Variants in ELOA observed in about 807,000 individuals in gnomAD.
ELOA encodes the protein elongin-A.
ELOA carries 15 observed loss-of-function variants against 85.2 expected under a neutral mutation model. That is an observed-to-expected ratio of 0.18 (90% CI 0.12 to 0.27). The LOEUF is 0.27. Among genes scored for constraint, ELOA ranks in the 10% least tolerant of loss-of-function variants. The pLI, the probability that ELOA is intolerant of heterozygous loss-of-function variation, is 1.00. For missense variants in ELOA, 769 were observed against 952.7 expected, an observed-to-expected ratio of 0.81 and a Z score of 2.54; for synonymous variants, 348 against 357.2, an observed-to-expected ratio of 0.97 and a Z score of 0.29.
intron 5 of ELOA, among the ~76,000 whole-genome samples, chr1:23,753,736 T>G (rs1267961824): frequency 1.3e-5 from 2 of 152,214 alleles, no homozygotes; most frequent in East Asian, 1.9e-4. Context: ...TTTGCTTTTT[T>G]TTGTTGTTGC....
rs1638305971 is a variant in ELOA at position 23,761,920 on chromosome 1, C to T, written c.*2347C>T. ...GGGAAAGGAGCAAGGTGTCATCCTG[C>T]TCTTCATTTGTATTTTGGTCCCAAA... On this transcript the variant is annotated 3_prime_UTR_variant, in exon 11 of 11. Coordinates refer to ENST00000613537, the MANE Select transcript of ELOA (RefSeq NM_003198.3). 1.3e-5 allele frequency: 2 copies of T among 152,120 alleles called. No individual in the cohort carries two copies. The highest frequency in any genetic ancestry group is 2.9e-5 in the Non-Finnish European group (2 of 68,036). 9.4% of individuals were successfully genotyped at this position (152,120 alleles called of 1,614,324 possible).
chr1:23,758,650 C>T (rs1638249070), intron 10 of ELOA, among the ~76,000 whole-genome samples: 1 of 149,850 alleles, frequency 6.7e-6, no homozygotes, highest in Non-Finnish European at 1.5e-5. Flanking sequence ...ATAGACTATC[C>T]CCAGTATCCT....
rs765576581 is a variant in ELOA at position 23,755,956 on chromosome 1, C to T, written c.1905C>T (p.Asp635=). The T allele has an allele frequency of 2.8e-5, 45 of 1,613,496 alleles. No homozygotes were observed. Among genetic ancestry groups the T allele is most frequent in the East Asian group, 1.3e-4 (6 of 44,852 alleles). The change falls in exon 8 of 11, where the codon GAC becomes GAT. Residue 635 remains aspartate, a synonymous_variant. Coordinates refer to ENST00000613537, the MANE Select transcript of ELOA (RefSeq NM_003198.3). ...SWREMYLRLQ[D]AREQRLRVLT... ...GAGAGATGTACCTGCGGCTTCAGGA[C>T]GCCCGAGAGCAGCGGCTACGAGTAC...
At chr1:23,753,777 G>C (rs1052472854) in intron 5 of ELOA, among the ~76,000 whole-genome samples, 3 of 152,134 alleles carry the variant, frequency 2.0e-5, no homozygotes, top group Non-Finnish European at 4.4e-5. Flanking sequence ...TACTCAGGCT[G>C]GAGTGCAGTA....
intron 1 of ELOA, among the ~76,000 whole-genome samples, chr1:23,743,786 C>T (rs1049344999): frequency 3.9e-5 from 6 of 152,106 alleles, no homozygotes; most frequent in African/African-American, 1.4e-4. Context: ...CCGGCCGCTC[C>T]CCCTCCCTCA....
intron 1 of ELOA, among the ~76,000 whole-genome samples, chr1:23,746,193 G>T (rs1200440477): frequency 6.7e-6 from 1 of 149,990 alleles, no homozygotes; most frequent in East Asian, 2.0e-4. Context: ...GGAGGCTGAG[G>T]CAGGAGAACA....
chr1:23,753,731 T>C (rs1644782708), intron 5 of ELOA, among the ~76,000 whole-genome samples: 1 of 152,018 alleles, frequency 6.6e-6, no homozygotes, highest in Non-Finnish European at 1.5e-5. Context: ...ATACATTTGC[T>C]TTTTTTTGTT....
At chr1:23,746,632 G>A (rs796594706) in intron 1 of ELOA, among the ~76,000 whole-genome samples, 2,910 of 127,000 alleles carry the variant, frequency 0.023, 120 homozygotes, top group African/African-American at 0.088. Flanking sequence ...AAAAAAAAAA[G>A]GATCCTCGTC....
Position 23,761,962 on chromosome 1 carries a change from CTA to C in ELOA, c.*2391_*2392del, listed in dbSNP as rs1638306400. 1 of 151,988 alleles carries C rather than the reference CTA, an allele frequency of 6.6e-6. No homozygotes were observed. 9.4% of individuals were successfully genotyped at this position (151,988 alleles called of 1,614,324 possible). ...GGTCCCAAAATGTAAATACAATTTT[CTA>C]TGTTACTTTTTTGTGGTAACTACCG... On this transcript the variant is annotated 3_prime_UTR_variant, in exon 11 of 11. Coordinates refer to ENST00000613537, the MANE Select transcript of ELOA (RefSeq NM_003198.3).
At chr1:23,749,412 G>A (rs111746501) in intron 2 of ELOA, among the ~76,000 whole-genome samples, 4 of 152,228 alleles carry the variant, frequency 2.6e-5, no homozygotes, top group Non-Finnish European at 5.9e-5. Flanking sequence ...AGTTAAAGTG[G>A]TGAATATTGT....
In ELOA at chr1:23,751,963, A is replaced by T. The variant is rs759897584; in HGVS notation, c.1358A>T (p.Lys453Ile). The change falls in exon 4 of 11, where the codon AAA becomes ATA. Residue 453 changes from lysine (K) to isoleucine (I), a missense_variant. By Grantham distance (102) the Lys-to-Ile change is moderately radical. This residue lies in a region of ELOA where 193 missense variants were observed against 278.9 expected (regional missense o/e 0.69). Transcript: ENST00000613537. The part of the protein sequence containing the change: ...STGKNLDSVQ[K>I]LPKVNKTKSE... ...GGTAAAAACTTGGACTCAGTTCAGA[A>T]ATTACCCAAGGTGAACAAAACCAAG... 1 of 1,611,878 alleles carries T rather than the reference A, an allele frequency of 6.2e-7. No individual in the cohort carries two copies. The highest frequency in any genetic ancestry group is 8.5e-7 in the Non-Finnish European group (1 of 1,179,560).
At chr1:23,757,167 T>C in intron 10 of ELOA, 42 bp downstream of exon 10, 2 of 1,493,140 alleles carry the variant, frequency 1.3e-6, no homozygotes, top group Non-Finnish European at 1.8e-6. Flanking sequence ...ATTTCAGCAC[T>C]AGTTTTTAAC....
Position 23,754,401 on chromosome 1 carries a change from G to A in ELOA, c.1732G>A (p.Glu578Lys). Residue 578 changes from glutamate to lysine, a missense_variant, in exon 7 of 11, where the codon GAA (glutamate) becomes AAA (lysine). Glu to Lys is a moderately conservative substitution (Grantham distance 56, BLOSUM62 1). Transcript: ENST00000613537. ...GGGAGGAGTCCCATACTCTGTTCTT[G>A]AACCCGTTTTGGAGAGGTGTACACC... ...EVGGVPYSVL[E>K]PVLERCTPDQ... 1 of 1,614,178 alleles carries A rather than the reference G, an allele frequency of 6.2e-7. No individual in the cohort carries two copies. The highest frequency in any genetic ancestry group is 2.2e-5 in the East Asian group (1 of 44,882).
intron 10 of ELOA, 115 bp from the exon 11 acceptor site, chr1:23,759,395 ATC>A (rs1340233429): frequency 2.9e-5 from 27 of 938,550 alleles, no homozygotes; most frequent in Non-Finnish European, 4.4e-5. Flanking sequence ...TACTACTTGT[ATC>A]TCTGCCTGGT....
At chr1:23,752,174 A>G in intron 4 of ELOA, 144 bp downstream of exon 4, 1 of 900,248 alleles carries the variant, frequency 1.1e-6, no homozygotes, top group South Asian at 1.8e-5. Context: ...TCTGGGCTTC[A>G]CTGGTTGTCA....
rs936527364 is a variant in ELOA, at chr1:23,747,566, C to T, written c.76-1455C>T. Among the ~76,000 whole-genome samples the T allele has an allele frequency of 2.6e-5, 4 of 152,148 alleles. No homozygotes were observed. In the East Asian group the frequency reaches 7.7e-4, roughly 29 times the overall value. On this transcript the variant is annotated intron_variant, in intron 1 of 10. Coordinates refer to ENST00000613537, the MANE Select transcript of ELOA (RefSeq NM_003198.3). ...TATGAGAGAACCACTTGTTTTTGACCTTTTCAGTGATTTAAAATTTTCCTT... is the reference window on the plus strand; with the variant it reads ...TATGAGAGAACCACTTGTTTTTGACTTTTTCAGTGATTTAAAATTTTCCTT...
In ELOA at chr1:23,755,974, A is replaced by G. The variant is rs766400301; in HGVS notation, c.1923A>G (p.Leu641=). Reference sequence around the variant, plus strand: ...TTCAGGACGCCCGAGAGCAGCGGCTACGAGTACTAACAAAGAATATCCAGT... The same window carrying G: ...TTCAGGACGCCCGAGAGCAGCGGCTGCGAGTACTAACAAAGAATATCCAGT... ...LRLQDAREQR[L]RVLTKNIQFA... The change falls in exon 8 of 11, where the codon CTA becomes CTG. Residue 641 remains leucine (L), a synonymous_variant. Coordinates refer to ENST00000613537, the MANE Select transcript of ELOA (RefSeq NM_003198.3). The G allele has an allele frequency of 5.0e-6, 8 of 1,613,976 alleles. No individual in the cohort carries two copies. Among genetic ancestry groups the G allele is most frequent in the Non-Finnish European group, 5.9e-6 (7 of 1,179,990 alleles).
At chr1:23,754,690 A>C (rs1049223829) in intron 7 of ELOA, among the ~76,000 whole-genome samples, 1 of 152,212 alleles carries the variant, frequency 6.6e-6, no homozygotes, top group Admixed American at 6.5e-5. Context: ...CAAAGGGAGA[A>C]GAAAAACACT....
intron 5 of ELOA, 69 bp from the exon 6 acceptor site, chr1:23,754,031 G>A: frequency 6.4e-7 from 1 of 1,563,918 alleles, no homozygotes; most frequent in Non-Finnish European, 8.7e-7. Flanking sequence ...GAAGTAGGAG[G>A]CTGAAGGGGG....
Sources: allele counts gnomAD v4.1 joint callset (sites outside exome capture counted in the v4.1 genomes callset), GRCh38; gene constraint gnomAD v4.1.1; regional missense constraint gnomAD v4.1.1; transcripts MANE v1.5; gene names NCBI Gene and HGNC (gene_info 2026-07-23, HGNC 2026-07-21).